Variants in DAB1 observed in about 807,000 individuals in gnomAD.
DAB1 encodes disabled homolog 1.
Under a neutral mutation model 64.6 loss-of-function variants are expected in DAB1, and 15 were observed. The ratio of observed to expected loss-of-function variants is 0.23; its 90% CI spans 0.16 to 0.36. The LOEUF is 0.36. Ranked by LOEUF, DAB1 falls within the 10% of genes least tolerant of loss-of-function variation. The pLI, the probability that DAB1 is intolerant of heterozygous loss-of-function variation, is 1.00. For missense variants in DAB1, 596 were observed against 706.7 expected (o/e 0.84, Z 1.78); for synonymous variants, 235 against 251.9 (o/e 0.93, Z 0.64).
chr1:57,421,903 G>GC (rs1684921284), intron 1 of DAB1, among the ~76,000 whole-genome samples: 4 of 46,334 alleles, frequency 8.6e-5, no homozygotes, highest in Non-Finnish European at 1.8e-4. Context: ...GGGGGGTGGC[G>GC]GGGGGGGGGG....
chr1:58,027,855 AG>A (rs1454684988), intron 5 of DAB1, among the ~76,000 whole-genome samples: 1 of 152,226 alleles, frequency 6.6e-6, no homozygotes, highest in Non-Finnish European at 1.5e-5. Context: ...GATGAAACCT[AG>A]AAATAAGGAG....
intron 7 of DAB1, among the ~76,000 whole-genome samples, chr1:57,548,169 T>G (rs996352283): frequency 7.2e-5 from 11 of 152,214 alleles, no homozygotes; most frequent in Non-Finnish European, 1.5e-4. Context: ...TGCCCAACAT[T>G]AGCTTGGTAT....
intron 14 of DAB1, among the ~76,000 whole-genome samples, chr1:56,998,961 T>C (rs1645740071): frequency 2.0e-5 from 3 of 152,218 alleles, no homozygotes; most frequent in Admixed American, 2.0e-4. Context: ...ATTTGATGGA[T>C]ACTGTGGTTT....
intron 1 of DAB1, among the ~76,000 whole-genome samples, chr1:57,409,948 T>C (rs1023042833): frequency 6.6e-6 from 1 of 152,180 alleles, no homozygotes; most frequent in Non-Finnish European, 1.5e-5. Flanking sequence ...TCTCAAAAAC[T>C]TCCTCCCCCA....
intron 7 of DAB1, among the ~76,000 whole-genome samples, chr1:57,609,742 A>G (rs1055792534): frequency 7.9e-5 from 12 of 152,220 alleles, no homozygotes; most frequent in Admixed American, 5.9e-4. Flanking sequence ...CAAACAATAT[A>G]TTTGCTAAAG....
At chr1:57,371,030 G>T (rs1386954591) in intron 1 of DAB1, among the ~76,000 whole-genome samples, 1 of 152,160 alleles carries the variant, frequency 6.6e-6, no homozygotes, top group Non-Finnish European at 1.5e-5. Context: ...TTTGGTCATA[G>T]CTCTGGCAGG....
chr1:58,323,435 A>G (rs1439853106), intron 4 of DAB1, among the ~76,000 whole-genome samples: 1 of 152,032 alleles, frequency 6.6e-6, no homozygotes, highest in African/African-American at 2.4e-5. Flanking sequence ...CTTCGTATCT[A>G]GGCAGATCAC....
At chr1:57,248,289 G>C (rs752642073) in intron 2 of DAB1, among the ~76,000 whole-genome samples, 1 of 151,280 alleles carries the variant, frequency 6.6e-6, no homozygotes, top group Non-Finnish European at 1.5e-5. Context: ...ATCCATGGTT[G>C]GTTGAACCTG....
chr1:57,274,721 C>T (rs1454237798), intron 2 of DAB1, among the ~76,000 whole-genome samples: 1 of 152,082 alleles, frequency 6.6e-6, no homozygotes, highest in Admixed American at 6.5e-5. Flanking sequence ...GCTGGGACTA[C>T]AGGCGAGCAC....
chr1:58,402,256 C>T (rs1644576867), intron 3 of DAB1, among the ~76,000 whole-genome samples: 1 of 152,230 alleles, frequency 6.6e-6, no homozygotes, highest in Non-Finnish European at 1.5e-5. Flanking sequence ...CACTGTGGGA[C>T]CCAGGCCAAG....
intron 5 of DAB1, among the ~76,000 whole-genome samples, chr1:57,904,305 C>T (rs1375603864): frequency 6.6e-6 from 1 of 152,160 alleles, no homozygotes; most frequent in African/African-American, 2.4e-5. Context: ...CTTGCCTCTC[C>T]TTGAGTGTCT....
chr1:57,604,470 TCA>T (rs1645612528), intron 7 of DAB1, among the ~76,000 whole-genome samples: 1 of 151,992 alleles, frequency 6.6e-6, no homozygotes, highest in Non-Finnish European at 1.5e-5. Flanking sequence ...ACAGAGACAG[TCA>T]CAGTTTCCTG....
chr1:57,830,609 C>A (rs1366985360), intron 1 of DAB1, among the ~76,000 whole-genome samples: 2 of 152,106 alleles, frequency 1.3e-5, no homozygotes, highest in Non-Finnish European at 2.9e-5. Context: ...ATATAGTTCC[C>A]TGTGCAGGAA....
chr1:57,676,760 T>C (rs560180524), intron 6 of DAB1, among the ~76,000 whole-genome samples: 1 of 152,212 alleles, frequency 6.6e-6, no homozygotes, highest in South Asian at 2.1e-4. Flanking sequence ...TGCCTTTCAA[T>C]GGGCTTTAAG....
intron 3 of DAB1, among the ~76,000 whole-genome samples, chr1:58,359,011 G>C (rs1456425481): frequency 6.7e-6 from 1 of 149,060 alleles, no homozygotes; most frequent in Non-Finnish European, 1.5e-5. Flanking sequence ...TAGGTCTGAA[G>C]AGAGAAAGTG....
intron 3 of DAB1, among the ~76,000 whole-genome samples, chr1:58,445,048 C>G (rs982644708): frequency 6.6e-6 from 1 of 152,178 alleles, no homozygotes; most frequent in Non-Finnish European, 1.5e-5. Context: ...CTTGACCAAC[C>G]ATCCCAGGTT....
intron 2 of DAB1, among the ~76,000 whole-genome samples, chr1:58,508,138 AC>A (rs1646018239): frequency 6.6e-6 from 1 of 152,196 alleles, no homozygotes; most frequent in Non-Finnish European, 1.5e-5. Flanking sequence ...ATCCCTACAG[AC>A]TAGAAAGTAT....
intron 4 of DAB1, among the ~76,000 whole-genome samples, chr1:58,173,725 G>A (rs768197559): frequency 3.9e-5 from 6 of 152,104 alleles, no homozygotes; most frequent in South Asian, 2.1e-4. Flanking sequence ...CTATGCAGCC[G>A]AAGTATATTC....
At chr1:57,684,675 C>T (rs1377700858) in intron 6 of DAB1, among the ~76,000 whole-genome samples, 2 of 152,076 alleles carry the variant, frequency 1.3e-5, no homozygotes, top group Non-Finnish European at 2.9e-5. Flanking sequence ...CGCACTTAAA[C>T]ACATAGCCCA....
Sources: gnomAD v4.1 joint callset for allele counts (sites outside exome capture counted in the v4.1 genomes callset) on GRCh38, gnomAD v4.1.1 for gene constraint, MANE v1.5 for transcripts, NCBI Gene and HGNC (gene_info 2026-07-23, HGNC 2026-07-21) for gene names.